The following RSRC1 variants were observed in gnomAD, a reference collection of about 807,000 sequenced individuals.
RSRC1 encodes the protein serine/Arginine-related protein 53.
A neutral mutation model predicts 49.1 loss-of-function variants in RSRC1; 39 were observed. The ratio of observed to expected loss-of-function variants is 0.79; its 90% CI spans 0.61 to 1.04. RSRC1 has a LOEUF of 1.04. Among genes scored for constraint, RSRC1 ranks in the 50% least tolerant of loss-of-function variants. The pLI, the probability that RSRC1 is intolerant of heterozygous loss-of-function variation, is 0.00. For missense variants in RSRC1, 388 were observed against 402.4 expected, an observed-to-expected ratio of 0.96 and a Z score of 0.31; for synonymous variants, 143 against 130.8, an observed-to-expected ratio of 1.09 and a Z score of -0.63.
rs193230019 is a variant in RSRC1 at position 158,382,698 on chromosome 3, T to C, written c.583+27790T>C. 9.8e-5 allele frequency among the ~76,000 whole-genome samples: 15 copies of C among 152,288 alleles called. No individual in the cohort carries two copies. The East Asian group carries it at 2.7e-3, about 27-fold the overall frequency. On this transcript the variant is annotated intron_variant, in intron 6 of 9. Transcript: ENST00000611884. ...AGCCAGTTTGAATAACAAATTTGAA[T>C]GTCACTCTGACCTCTGAGGAGCTGA...
At chr3:158,463,991 ATATTT>A (rs60000216) in intron 7 of RSRC1, among the ~76,000 whole-genome samples, 12,305 of 152,198 alleles carry the variant, frequency 0.081, 541 homozygotes, top group South Asian at 0.14. Context: ...GGTCAACTAA[ATATTT>A]AAAGTTTAAG....
chr3:158,361,154 C>T (rs573417240), intron 6 of RSRC1, among the ~76,000 whole-genome samples: 4 of 152,230 alleles, frequency 2.6e-5, no homozygotes, highest in East Asian at 1.9e-4. Flanking sequence ...TCAGGCCTGG[C>T]GGTCACCCAA....
intron 6 of RSRC1, among the ~76,000 whole-genome samples, chr3:158,391,222 T>G (rs181153662): frequency 2.4e-4 from 36 of 152,312 alleles, no homozygotes; most frequent in Non-Finnish European, 2.9e-4. Context: ...CTTTGTATTT[T>G]TTAAGCAGTT....
At chr3:158,437,352 A>C (rs1736105928) in intron 6 of RSRC1, among the ~76,000 whole-genome samples, 1 of 152,112 alleles carries the variant, frequency 6.6e-6, no homozygotes, top group African/African-American at 2.4e-5. Context: ...ACACATTGGC[A>C]CTGGGCTGAG....
At chr3:158,201,911 G>A (rs1025061416) in intron 3 of RSRC1, among the ~76,000 whole-genome samples, 2 of 152,072 alleles carry the variant, frequency 1.3e-5, no homozygotes, top group South Asian at 4.2e-4. Context: ...TGGACAAAGT[G>A]AATATCATAT....
intron 4 of RSRC1, among the ~76,000 whole-genome samples, chr3:158,238,281 G>C (rs140585257): frequency 6.6e-6 from 1 of 152,110 alleles, no homozygotes; most frequent in Non-Finnish European, 1.5e-5. Context: ...CGTGAAAATG[G>C]CCACACTGCC....
At chr3:158,427,650 T>C (rs1330888866) in intron 6 of RSRC1, among the ~76,000 whole-genome samples, 1 of 151,836 alleles carries the variant, frequency 6.6e-6, no homozygotes, top group Non-Finnish European at 1.5e-5. Context: ...TTAGTGTATA[T>C]GAATTTTTTA....
chr3:158,449,039 G>A (rs1262841686), intron 6 of RSRC1, among the ~76,000 whole-genome samples: 1 of 151,792 alleles, frequency 6.6e-6, no homozygotes, highest in East Asian at 1.9e-4. Flanking sequence ...GTTTAGATTT[G>A]TCATGCTCAT....
rs1225891559 is a variant in RSRC1, at chr3:158,388,605, G to GT, written c.583+33703dup. Among the ~76,000 whole-genome samples the GT allele has an allele frequency of 6.0e-3, 600 of 99,208 alleles. 3 individuals carry two copies. Among genetic ancestry groups the GT allele is most frequent in the African/African-American group, 0.023 (564 of 24,774 alleles). 65.1% of individuals were successfully genotyped at this position (99,208 alleles called of 152,430 possible). A position where few individuals can be genotyped will look rare whatever the true frequency, so the allele number is the denominator to read the frequency against. On this transcript the variant is annotated intron_variant, in intron 6 of 9. Coordinates refer to ENST00000611884, the MANE Select transcript of RSRC1 (RefSeq NM_001271838.2). ...GCATTTGGGGAGCCAAATTAGCCGT[G>GT]TTTTTTGTTTTTTTTTTTTTTTTGA... is the stretch of plus-strand genomic sequence containing the variant.
intron 6 of RSRC1, 51 bp downstream of exon 6, chr3:158,354,959 C>T (rs1304023630): frequency 7.9e-7 from 1 of 1,264,598 alleles, no homozygotes; most frequent in Non-Finnish European, 1.1e-6. Flanking sequence ...CGAGTAAACC[C>T]TAGGCTGGTA....
intron 6 of RSRC1, among the ~76,000 whole-genome samples, chr3:158,398,681 G>C (rs1346104634): frequency 6.6e-6 from 1 of 152,126 alleles, no homozygotes; most frequent in African/African-American, 2.4e-5. Flanking sequence ...TCTCAGAAAA[G>C]CTTTCCCTGT....
At chr3:158,241,595 A>G (rs1300759352) in intron 4 of RSRC1, among the ~76,000 whole-genome samples, 1 of 152,164 alleles carries the variant, frequency 6.6e-6, no homozygotes, top group South Asian at 2.1e-4. Flanking sequence ...ATAAAAAATC[A>G]GCCGGGTTAA....
Position 158,139,199 on chromosome 3 carries a change from G to A in RSRC1, c.320+15208G>A, listed in dbSNP as rs546482168. Among the ~76,000 whole-genome samples the A allele has an allele frequency of 3.3e-5, 5 of 152,064 alleles. No homozygotes were observed. The South Asian group carries it at 8.3e-4, about 25-fold the overall frequency. On this transcript the variant is annotated intron_variant, in intron 3 of 9. Coordinates refer to ENST00000611884, the MANE Select transcript of RSRC1 (RefSeq NM_001271838.2). The stretch of plus-strand genomic sequence containing the variant: ...GTGGATCATCTGATGTCAGGAGTTC[G>A]AGACCAGCCTGGCCAACATGGTGAA...
intron 4 of RSRC1, among the ~76,000 whole-genome samples, chr3:158,266,821 C>T (rs1456492908): frequency 6.6e-6 from 1 of 152,018 alleles, no homozygotes; most frequent in African/African-American, 2.4e-5. Context: ...GATCTCGGCT[C>T]CTCCAAGATC....
At chr3:158,283,719 T>C (rs368447421) in intron 4 of RSRC1, among the ~76,000 whole-genome samples, 3 of 152,160 alleles carry the variant, frequency 2.0e-5, no homozygotes, top group African/African-American at 7.2e-5. Flanking sequence ...CTTAGAGAAG[T>C]AGACTGTGAG....
chr3:158,232,248 T>A (rs950812687), intron 4 of RSRC1, among the ~76,000 whole-genome samples: 2 of 140,928 alleles, frequency 1.4e-5, no homozygotes, highest in African/African-American at 5.3e-5. Context: ...AGATATATAT[T>A]TAAAACCATA....
intron 3 of RSRC1, among the ~76,000 whole-genome samples, chr3:158,179,254 G>C (rs1008652024): frequency 1.3e-5 from 2 of 152,144 alleles, no homozygotes; most frequent in Non-Finnish European, 2.9e-5. Flanking sequence ...TACACTCTTT[G>C]TCCTGTTTCC....
chr3:158,128,138 G>A (rs1715753766), intron 3 of RSRC1, among the ~76,000 whole-genome samples: 3 of 152,124 alleles, frequency 2.0e-5, no homozygotes, highest in Non-Finnish European at 4.4e-5. Context: ...AACCTGTGCT[G>A]TTTCCATTAG....
chr3:158,494,469 CACTGTACGTTAGGCTAT>C (rs955746458), intron 7 of RSRC1, among the ~76,000 whole-genome samples: 18 of 152,168 alleles, frequency 1.2e-4, no homozygotes, highest in African/African-American at 4.3e-4. Context: ...ACTTTATAAA[CACTGTACGTTAGGCTAT>C]ACTAAGTGTA....
Sources: allele counts gnomAD v4.1 joint callset (sites outside exome capture counted in the v4.1 genomes callset), GRCh38; gene constraint gnomAD v4.1.1; transcripts MANE v1.5; gene names NCBI Gene and HGNC (gene_info 2026-07-23, HGNC 2026-07-21).